CPPED1: variants seen among roughly 807,000 people sequenced by gnomAD.
The protein encoded by CPPED1 is calcineurin like phosphoesterase domain containing 1.
A neutral mutation model predicts 28.0 loss-of-function variants in CPPED1; 28 were observed. The observed-to-expected ratio is 1.00, with a 90% CI of 0.74 to 1.37. The LOEUF (loss-of-function observed/expected upper bound fraction) is 1.37, where lower values mean the gene tolerates loss of function less well. Among genes scored for constraint, CPPED1 ranks in the 40% most tolerant of loss-of-function variants. The pLI is 0.00. For synonymous variants in CPPED1, 198 were observed against 180.2 expected (o/e 1.10, Z -0.79); for missense variants, 504 against 416.5 (o/e 1.21, Z -1.83).
intron 3 of CPPED1, among the ~76,000 whole-genome samples, chr16:12,691,029 G>A (rs987448077): frequency 5.3e-5 from 8 of 152,212 alleles, no homozygotes; most frequent in Admixed American, 4.6e-4. Flanking sequence ...TGCCCACGGT[G>A]CATTCTGCTC....
chr16:12,750,788 T>C (rs989918713), intron 2 of CPPED1, among the ~76,000 whole-genome samples: 6 of 152,034 alleles, frequency 3.9e-5, no homozygotes, highest in South Asian at 4.2e-4. Context: ...CAGGCCAACA[T>C]GGTGAAATCC....
Position 12,698,493 on chromosome 16 carries a change from G to A in CPPED1, c.715+6131C>T, listed in dbSNP as rs1384824686. ...GTTGCCCAGATTGGCATGCAGTGGC[G>A]TAATCTTGGCTCACCGCAACCTCCG... On this transcript the variant is annotated intron_variant, in intron 3 of 3. Coordinates refer to ENST00000381774, the MANE Select transcript of CPPED1 (RefSeq NM_018340.3). Among the ~76,000 whole-genome samples, 10 of 152,090 alleles carry A rather than the reference G, an allele frequency of 6.6e-5. 1 individual carries two copies. The South Asian group carries it at 1.9e-3, about 29-fold the overall frequency.
chr16:12,739,512 C>T (rs1261722719), intron 2 of CPPED1, among the ~76,000 whole-genome samples: 3 of 151,934 alleles, frequency 2.0e-5, no homozygotes, highest in African/African-American at 4.8e-5. Flanking sequence ...ACCTGGGAGG[C>T]GGAGGTTACA....
chr16:12,703,671 G>C (rs2080032148), intron 3 of CPPED1, among the ~76,000 whole-genome samples: 1 of 109,606 alleles, frequency 9.1e-6, no homozygotes, highest in Admixed American at 1.2e-4. Context: ...AACAGAACAA[G>C]ACTTTGTCTC....
At chr16:12,714,773 T>C (rs2080098446) in intron 2 of CPPED1, among the ~76,000 whole-genome samples, 1 of 151,810 alleles carries the variant, frequency 6.6e-6, no homozygotes, top group African/African-American at 2.4e-5. Context: ...TAATGTCCTT[T>C]GAGGTACAAA....
intron 2 of CPPED1, among the ~76,000 whole-genome samples, chr16:12,733,190 G>A (rs1481304406): frequency 6.6e-6 from 1 of 152,006 alleles, no homozygotes; most frequent in East Asian, 1.9e-4. Context: ...CTACAATGTG[G>A]CTCTGTTGTG....
In CPPED1 at chr16:12,800,302, G is replaced by A. The variant is rs962373902; in HGVS notation, c.70+3405C>T. 6.6e-5 allele frequency among the ~76,000 whole-genome samples: 10 copies of A among 152,136 alleles called. 1 individual carries two copies. Among genetic ancestry groups the A allele is most frequent in the African/African-American group, 2.4e-4 (10 of 41,412 alleles). ...AAAAACACAAAAATTAGCGGGCATG[G>A]TGGTACATGCCTGTAATCCCAGCTA... On this transcript the variant is annotated intron_variant, in intron 1 of 3. Transcript: ENST00000381774.
At chr16:12,780,561 G>T (rs1446730440) in intron 2 of CPPED1, among the ~76,000 whole-genome samples, 1 of 151,992 alleles carries the variant, frequency 6.6e-6, no homozygotes, top group African/African-American at 2.4e-5. Context: ...GACCTCCCAG[G>T]AGCCACTATC....
intron 3 of CPPED1, among the ~76,000 whole-genome samples, chr16:12,699,639 G>C (rs1237075089): frequency 6.6e-6 from 1 of 152,118 alleles, no homozygotes; most frequent in African/African-American, 2.4e-5. Context: ...TTTGGGGAGA[G>C]ATGTGCTCTT....
chr16:12,749,888 C>G (rs960948436), intron 2 of CPPED1, among the ~76,000 whole-genome samples: 3 of 152,194 alleles, frequency 2.0e-5, no homozygotes, highest in Non-Finnish European at 4.4e-5. Context: ...CCGCGCCTGG[C>G]AGAATCACGA....
At chr16:12,803,632 C>A in intron 1 of CPPED1, 75 bp downstream of exon 1, 2 of 1,291,840 alleles carry the variant, frequency 1.5e-6, no homozygotes, top group South Asian at 1.6e-5. Flanking sequence ...GGAGCGCACA[C>A]CTGAACAAAA....
rs1426050469 is a variant in CPPED1, at chr16:12,682,020, C to A, written c.716-16905G>T. Among the ~76,000 whole-genome samples, 1 of 152,054 alleles carries A rather than the reference C, an allele frequency of 6.6e-6. No homozygotes were observed. The highest frequency in any genetic ancestry group is 2.1e-4 in the South Asian group (1 of 4,810). On this transcript the variant is annotated intron_variant, in intron 3 of 3. Coordinates refer to ENST00000381774, the MANE Select transcript of CPPED1 (RefSeq NM_018340.3). The surrounding 1 kb of genome is among the most constrained non-coding windows in gnomAD (Gnocchi z 6.1). ...TCGAGGATTAGTTATGCTCCTCCAA[C>A]CCCCAGACTCACTGCCGTTTATTAC... is the stretch of plus-strand genomic sequence containing the variant.
intron 3 of CPPED1, among the ~76,000 whole-genome samples, chr16:12,691,139 C>T (rs1382589241): frequency 6.6e-6 from 1 of 152,264 alleles, no homozygotes; most frequent in Non-Finnish European, 1.5e-5. Context: ...CACCACTTTG[C>T]AGCTGGTTGA....
chr16:12,761,751 G>A (rs1023914832), intron 2 of CPPED1, among the ~76,000 whole-genome samples: 1 of 152,118 alleles, frequency 6.6e-6, no homozygotes, highest in African/African-American at 2.4e-5. Context: ...GTGGCTCATA[G>A]TATAATACCA....
chr16:12,754,843 T>TA (rs557921824), intron 2 of CPPED1, among the ~76,000 whole-genome samples: 98 of 150,794 alleles, frequency 6.5e-4, no homozygotes, highest in Admixed American at 9.9e-4. Flanking sequence ...CTATTAAAAT[T>TA]AAAAAAAAAA....
intron 3 of CPPED1, among the ~76,000 whole-genome samples, chr16:12,668,853 GA>G (rs1441226172): frequency 5.3e-5 from 8 of 152,378 alleles, no homozygotes; most frequent in African/African-American, 1.9e-4. Context: ...GGGATTTGGA[GA>G]AATTAGAACC....
intron 2 of CPPED1, among the ~76,000 whole-genome samples, chr16:12,725,680 G>A (rs943513618): frequency 2.6e-5 from 4 of 152,136 alleles, no homozygotes; most frequent in Non-Finnish European, 5.9e-5. Flanking sequence ...ACGGGGGGAA[G>A]TGTGGAGACC....
rs777840345 is a variant in CPPED1 at position 12,781,237 on chromosome 16, G to A, written c.237C>T (p.Asn79=). The change falls in exon 2 of 4, where the codon AAC becomes AAT. Residue 79 remains asparagine (N), a synonymous_variant. Transcript: ENST00000381774. ...ACAGAACGAAGAATTTGGGTTTGGGGTTCAGCTTGTTGATGGCCTGGACGG... is the reference window on the plus strand; with the variant it reads ...ACAGAACGAAGAATTTGGGTTTGGGATTCAGCTTGTTGATGGCCTGGACGG... ...EQAVQAINKL[N]PKPKFFVLCG... is the part of the protein sequence containing the mutation. The A allele has an allele frequency of 3.7e-6, 6 of 1,614,038 alleles. No homozygotes were observed. Among genetic ancestry groups the A allele is most frequent in the Admixed American group, 1.7e-5 (1 of 60,006 alleles).
intron 2 of CPPED1, among the ~76,000 whole-genome samples, chr16:12,717,126 G>A (rs920423604): frequency 1.3e-5 from 2 of 152,104 alleles, no homozygotes; most frequent in African/African-American, 2.4e-5. Flanking sequence ...AAAAGACCAG[G>A]GAGCCTTTTG....
Sources: allele counts gnomAD v4.1 joint callset (sites outside exome capture counted in the v4.1 genomes callset), GRCh38; gene constraint gnomAD v4.1.1; non-coding constraint Gnocchi (gnomAD v3.1); transcripts MANE v1.5; gene names NCBI Gene and HGNC (gene_info 2026-07-23, HGNC 2026-07-21).